The following HTR1F variants were observed in gnomAD, a reference collection of about 807,000 sequenced individuals.
HTR1F encodes the protein 5-hydroxytryptamine (serotonin) receptor 1F, G protein-coupled.
Under a neutral mutation model 24.0 loss-of-function variants are expected in HTR1F, and 17 were observed. The observed-to-expected ratio is 0.71, with a 90% CI of 0.48 to 1.06. The LOEUF (loss-of-function observed/expected upper bound fraction) is 1.06. HTR1F is among the 50% of genes least tolerant of loss of function. The pLI, the probability that HTR1F is intolerant of heterozygous loss-of-function variation, is 0.00. For synonymous variants in HTR1F, 186 were observed against 156.8 expected (o/e 1.19, Z -1.39); for missense variants, 391 against 427.8 (o/e 0.91, Z 0.76).
At chr3:87,971,320 C>A (rs764607706) in intron 2 of HTR1F, among the ~76,000 whole-genome samples, 8 of 152,078 alleles carry the variant, frequency 5.3e-5, no homozygotes, top group Non-Finnish European at 7.4e-5. Context: ...GTAATCCTAG[C>A]ACTTTGAGAG....
intron 1 of HTR1F, among the ~76,000 whole-genome samples, chr3:87,819,793 T>C (rs114813274): frequency 1.1e-4 from 16 of 152,114 alleles, no homozygotes; most frequent in Non-Finnish European, 1.0e-4. Context: ...TTCTATATAT[T>C]ATAAATTTCC....
chr3:87,925,805 T>A (rs755563948), intron 2 of HTR1F, among the ~76,000 whole-genome samples: 4 of 152,288 alleles, frequency 2.6e-5, no homozygotes, highest in Non-Finnish European at 5.9e-5. Flanking sequence ...GATCTCCCCT[T>A]TACCATTTCT....
At chr3:87,846,549 CTT>C (rs766591971) in intron 2 of HTR1F, among the ~76,000 whole-genome samples, 3 of 151,876 alleles carry the variant, frequency 2.0e-5, no homozygotes, top group Non-Finnish European at 4.4e-5. Context: ...AGACAAAAGA[CTT>C]TTCCAAATCA....
chr3:87,805,724 T>C (rs1266583537), intron 1 of HTR1F, among the ~76,000 whole-genome samples: 1 of 152,060 alleles, frequency 6.6e-6, no homozygotes, highest in Non-Finnish European at 1.5e-5. Flanking sequence ...GATGGGTTGA[T>C]AAATGCAGCA....
intron 1 of HTR1F, among the ~76,000 whole-genome samples, chr3:87,798,592 CAA>C (rs113907496): frequency 1.4e-5 from 2 of 145,308 alleles, no homozygotes. Context: ...TATCTTCCCT[CAA>C]AAAAAAAAAA....
At chr3:87,915,992 G>T (rs1456070719) in intron 2 of HTR1F, among the ~76,000 whole-genome samples, 1 of 152,124 alleles carries the variant, frequency 6.6e-6, no homozygotes, top group Non-Finnish European at 1.5e-5. Flanking sequence ...AAACCTATCA[G>T]ATTAACAGCA....
intron 2 of HTR1F, among the ~76,000 whole-genome samples, chr3:87,962,091 A>G (rs1433729366): frequency 6.6e-6 from 1 of 152,108 alleles, no homozygotes; most frequent in Non-Finnish European, 1.5e-5. Context: ...AATATAAGCA[A>G]AAATAAAGAT....
At chr3:87,802,085 TCCCTCCCTCCTC>T (rs1559588029) in intron 1 of HTR1F, among the ~76,000 whole-genome samples, 1 of 67,646 alleles carries the variant, frequency 1.5e-5, no homozygotes, top group African/African-American at 7.0e-5. Context: ...CCTCCTTCCC[TCCCTCCCTCCTC>T]CCTCCCTCCC....
chr3:87,807,500 T>C (rs900367159), intron 1 of HTR1F, among the ~76,000 whole-genome samples: 4 of 152,044 alleles, frequency 2.6e-5, no homozygotes, highest in African/African-American at 9.7e-5. Context: ...TCATTGAATT[T>C]ATCAGGTCTA....
intron 2 of HTR1F, among the ~76,000 whole-genome samples, chr3:87,987,692 AT>A (rs1705696256): frequency 7.9e-6 from 1 of 126,288 alleles, no homozygotes; most frequent in African/African-American, 2.9e-5. Context: ...TTTTATATAT[AT>A]AAAATATATG....
At chr3:87,837,653 C>T (rs1704708580) in intron 2 of HTR1F, among the ~76,000 whole-genome samples, 1 of 151,868 alleles carries the variant, frequency 6.6e-6, no homozygotes, top group African/African-American at 2.4e-5. Flanking sequence ...GATGAATATA[C>T]AGAATTCTAA....
At chr3:87,842,515 T>C (rs887633391) in intron 2 of HTR1F, among the ~76,000 whole-genome samples, 2 of 151,862 alleles carry the variant, frequency 1.3e-5, no homozygotes, top group Non-Finnish European at 2.9e-5. Flanking sequence ...TTATGAAACA[T>C]CTCACGAGCT....
chr3:87,805,677 G>A (rs1326161930), intron 1 of HTR1F, among the ~76,000 whole-genome samples: 1 of 151,946 alleles, frequency 6.6e-6, no homozygotes, highest in African/African-American at 2.4e-5. Context: ...ATGCATTAGG[G>A]AAAAGAGCTA....
chr3:87,896,977 G>T (rs898197788), intron 2 of HTR1F, among the ~76,000 whole-genome samples: 1 of 152,006 alleles, frequency 6.6e-6, no homozygotes, highest in Non-Finnish European at 1.5e-5. Flanking sequence ...GCTTATTGCA[G>T]CCCTTATGCA....
intron 2 of HTR1F, among the ~76,000 whole-genome samples, chr3:87,925,392 A>G (rs994656055): frequency 3.3e-5 from 5 of 152,112 alleles, no homozygotes; most frequent in African/African-American, 9.7e-5. Flanking sequence ...GGTCTTGGAA[A>G]TGACCTCCCA....
intron 2 of HTR1F, among the ~76,000 whole-genome samples, chr3:87,864,758 C>A (rs745907255): frequency 1.3e-5 from 2 of 151,596 alleles, no homozygotes; most frequent in Admixed American, 6.6e-5. Context: ...TAGCTGGTTG[C>A]GGTGGTGAGC....
chr3:87,946,187 G>A (rs553292046), intron 2 of HTR1F, among the ~76,000 whole-genome samples: 40 of 152,172 alleles, frequency 2.6e-4, no homozygotes, highest in South Asian at 6.2e-4. Context: ...GGAGCACAGC[G>A]GACACCCTGC....
chr3:87,980,762 G>T (rs776450431), intron 2 of HTR1F, among the ~76,000 whole-genome samples: 8 of 152,192 alleles, frequency 5.3e-5, no homozygotes, highest in Non-Finnish European at 1.0e-4. Flanking sequence ...CCAAAGTCCA[G>T]AGGATGCCAA....
intron 2 of HTR1F, among the ~76,000 whole-genome samples, chr3:87,862,822 C>A (rs1424027631): frequency 1.4e-5 from 2 of 147,870 alleles, no homozygotes; most frequent in Non-Finnish European, 3.0e-5. Flanking sequence ...TTTTTCTTTT[C>A]TTTTCTTTTT....
Sources: allele counts gnomAD v4.1 joint callset (sites outside exome capture counted in the v4.1 genomes callset), GRCh38; gene constraint gnomAD v4.1.1; transcripts MANE v1.5; gene names NCBI Gene and HGNC (gene_info 2026-07-23, HGNC 2026-07-21).